The following FHIP2B variants were observed in gnomAD, a reference collection of about 807,000 sequenced individuals.
FHIP2B encodes the protein FHF complex subunit HOOK-interacting protein 2B.
FHIP2B carries 72 observed loss-of-function variants against 84.0 expected under a neutral mutation model. That is an observed-to-expected ratio of 0.86 (90% CI 0.71 to 1.04). FHIP2B has a LOEUF of 1.04. Among genes scored for constraint, FHIP2B ranks in the 50% least tolerant of loss-of-function variants. The probability of loss-of-function intolerance (pLI) is 0.00; values close to 1 mark genes in which losing one functional copy is unlikely to be tolerated. For synonymous variants in FHIP2B, 497 were observed against 418.7 expected, an observed-to-expected ratio of 1.19 and a Z score of -2.28; for missense variants, 972 against 968.9, an observed-to-expected ratio of 1.00 and a Z score of -0.04.
intron 1 of FHIP2B, 105 bp downstream of exon 1, chr8:22,089,403 G>T (rs542583837): frequency 4.4e-4 from 281 of 638,762 alleles, no homozygotes; most frequent in Non-Finnish European, 5.1e-4. Context: ...GCGGGCGCGG[G>T]CCCCCTCGGG....
chr8:22,092,699 C>G (rs534217535), intron 1 of FHIP2B, among the ~76,000 whole-genome samples: 1 of 152,050 alleles, frequency 6.6e-6, no homozygotes, highest in Non-Finnish European at 1.5e-5. Flanking sequence ...GCCAGCCCAC[C>G]CCTTCCCCAG....
In FHIP2B at chr8:22,101,355, C is replaced by G. The variant is rs1826100914; in HGVS notation, c.1617-85C>G. On this transcript the variant is annotated intron_variant, in intron 12 of 16. Coordinates refer to ENST00000289921, the MANE Select transcript of FHIP2B (RefSeq NM_022749.7). ...TACTCTTTGGCCACAGCCCTGGGGT[C>G]CAGTCAGGGAGGGAGATGGGGTCCC... The G allele has an allele frequency of 7.8e-5, 88 of 1,133,020 alleles. No homozygotes were observed. The South Asian group carries it at 1.2e-3, about 15-fold the overall frequency. 70.2% of individuals were successfully genotyped at this position (1,133,020 alleles called of 1,614,324 possible).
rs983542547 is a variant in FHIP2B, at chr8:22,089,316, G to C, written c.45+18G>C. Reference sequence around the variant, plus strand: ...TGGGGGCGGTGAGGCCGGCAGGGCCGGGCCGGGCCGCCGGGAGTCGCGGGC... The same window carrying C: ...TGGGGGCGGTGAGGCCGGCAGGGCCCGGCCGGGCCGCCGGGAGTCGCGGGC... On this transcript the variant is annotated intron_variant, in intron 1 of 16. Transcript: ENST00000289921. The C allele has an allele frequency of 9.9e-7, 1 of 1,009,564 alleles. No homozygotes were observed. Among genetic ancestry groups the C allele is most frequent in the Non-Finnish European group, 1.2e-6 (1 of 847,274 alleles). 62.5% of individuals were successfully genotyped at this position (1,009,564 alleles called of 1,614,324 possible). A position where few individuals can be genotyped will look rare whatever the true frequency, so the allele number is the denominator to read the frequency against.
chr8:22,098,399 T>C, intron 6 of FHIP2B, 24 bp from the exon 7 acceptor site: 1 of 1,564,118 alleles, frequency 6.4e-7, no homozygotes, highest in Non-Finnish European at 8.7e-7. Context: ...TGCATGTCCC[T>C]GAAGTTGTAT....
chr8:22,096,053 A>G (rs1478809314), intron 2 of FHIP2B: 14 of 314,464 alleles, frequency 4.5e-5, no homozygotes, highest in Non-Finnish European at 5.9e-5. Context: ...CTGTCTCTGT[A>G]CCCATCCTAG....
chr8:22,096,298 T>G, intron 2 of FHIP2B, 39 bp from the exon 3 acceptor site: 5 of 1,496,262 alleles, frequency 3.3e-6, no homozygotes, highest in Non-Finnish European at 4.5e-6. Context: ...GGGGTGCCCC[T>G]CTTTACCCTA....
At chr8:22,102,014 A>T (rs1403944767) in intron 14 of FHIP2B, 161 bp from the exon 15 acceptor site, 1 of 1,515,458 alleles carries the variant, frequency 6.6e-7, no homozygotes, top group Non-Finnish European at 8.8e-7. Flanking sequence ...ACACGTCCTA[A>T]CACGTTCTGG....
intron 1 of FHIP2B, among the ~76,000 whole-genome samples, chr8:22,093,708 C>CTTTTTTTTTTTTTTTTTTT (rs59841460): frequency 1.5e-5 from 1 of 66,456 alleles, no homozygotes; most frequent in Non-Finnish European, 2.6e-5. Context: ...AAAGCTTTGT[C>CTTTTTTTTTTTTTTTTTTT]TTTTTTTTTT....
In FHIP2B at chr8:22,097,564, C is replaced by G; in HGVS notation, c.346C>G (p.Leu116Val). Reference protein sequence around the residue: ...QQVFQFFSKVLAQVQHPLLHY... With the variant: ...QQVFQFFSKVVAQVQHPLLHY... ...GGTGTTCCAGTTCTTCAGCAAGGTT[C>G]TGGCGCAGGTGCAGCACCCCCTGCT... The change falls in exon 4 of 17, where the codon CTG (leucine) becomes GTG (valine). Residue 116 changes from leucine (L) to valine (V), a missense_variant. Coordinates refer to ENST00000289921, the MANE Select transcript of FHIP2B (RefSeq NM_022749.7). The G allele has an allele frequency of 6.2e-7, 1 of 1,610,600 alleles. No individual in the cohort carries two copies. The highest frequency in any genetic ancestry group is 8.5e-7 in the Non-Finnish European group (1 of 1,178,766).
chr8:22,089,840 A>G, intron 1 of FHIP2B: 3 of 1,283,910 alleles, frequency 2.3e-6, no homozygotes, highest in Non-Finnish European at 3.0e-6. Flanking sequence ...CTGCCGGTCC[A>G]AGTCCCCACG....
Position 22,098,180 on chromosome 8 carries a change from C to G in FHIP2B, c.638C>G (p.Pro213Arg). The change falls in exon 6 of 17, where the codon CCC (proline) becomes CGC (arginine). Residue 213 changes from proline to arginine, a missense_variant. Physicochemically the swap from Pro to Arg is moderately radical, Grantham distance 103. Transcript: ENST00000289921. The stretch of plus-strand genomic sequence containing the variant: ...TCCCACGATGGTGCTCCTGCCAGGC[C>G]CCAGCTGGACGGGGAGTCCTGTGGG... The part of the protein sequence containing the change: ...DCSHDGAPAR[P>R]QLDGESCGAQ... 6.3e-7 allele frequency: 1 copy of G among 1,575,816 alleles called. No individual in the cohort carries two copies. Among genetic ancestry groups the G allele is most frequent in the Non-Finnish European group, 8.6e-7 (1 of 1,161,324 alleles).
intron 3 of FHIP2B, 124 bp downstream of exon 3, chr8:22,096,633 G>A (rs1825787183): frequency 2.2e-6 from 3 of 1,350,598 alleles, no homozygotes; most frequent in Non-Finnish European, 2.9e-6. Flanking sequence ...TGAGTGCTGG[G>A]CCAGGCTGAG....
rs1333768541 is a variant in FHIP2B, at chr8:22,089,226, G to C, written c.-28G>C. 1 of 1,060,344 alleles carries C rather than the reference G, an allele frequency of 9.4e-7. No individual in the cohort carries two copies. The highest frequency in any genetic ancestry group is 1.1e-6 in the Non-Finnish European group (1 of 879,566). 65.7% of individuals were successfully genotyped at this position (1,060,344 alleles called of 1,614,324 possible). A position where few individuals can be genotyped will look rare whatever the true frequency, so the allele number is the denominator to read the frequency against. ...CTAGAGCGCTGCCGCCGCCGCTTTC[G>C]CCCGGGAGCCGGGGGCCGGGCGCCA... On this transcript the variant is annotated 5_prime_UTR_variant, in exon 1 of 17. Transcript: ENST00000289921.
At position 22,096,758 on chromosome 8, in the gene FHIP2B, C is replaced by T. The variant is rs10088731; in HGVS notation, c.297+249C>T. 1,096 of 457,956 alleles carry T rather than the reference C, an allele frequency of 2.4e-3. 5 individuals carry two copies. Among genetic ancestry groups the T allele is most frequent in the African/African-American group, 0.021 (1,014 of 49,458 alleles). The allele number at this position is 457,956 out of a possible 1,614,324, so 28.4% of individuals were successfully genotyped here. A position where few individuals can be genotyped will look rare whatever the true frequency, so the allele number is the denominator to read the frequency against. Reference sequence around the variant, plus strand: ...GTTCGGGCGAGAGGAGCAAACAGGACGGGCACTGTGGCTGTCTCACTTAGA... The same window carrying T: ...GTTCGGGCGAGAGGAGCAAACAGGATGGGCACTGTGGCTGTCTCACTTAGA... On this transcript the variant is annotated intron_variant, in intron 3 of 16. Coordinates refer to ENST00000289921, the MANE Select transcript of FHIP2B (RefSeq NM_022749.7).
rs369364643 is a variant in FHIP2B, at chr8:22,101,442, T to A, written c.1619T>A (p.Phe540Tyr). The stretch of plus-strand genomic sequence containing the variant: ...CCACACCGGCTTCTATCTCTCAGTT[T>A]CCTGTGCCTGGTCCCCGAGGAAGCC... ...KTAVTEIVNS[F>Y]LCLVPEEAKT... The change falls in exon 13 of 17, where the codon TTC becomes TAC. Residue 540 changes from phenylalanine to tyrosine, a missense_variant and splice_region_variant. Physicochemically the swap from Phe to Tyr is conservative, Grantham distance 22. Transcript: ENST00000289921. The A allele has an allele frequency of 3.0e-5, 49 of 1,607,576 alleles. No homozygotes were observed. In the Admixed American group the frequency reaches 4.9e-4, roughly 16 times the overall value.
At position 22,094,493 on chromosome 8, in the gene FHIP2B, CACGCACT is replaced by C; in HGVS notation, c.102_108del (p.His35ThrfsTer20). 6.2e-7 allele frequency: 1 copy of C among 1,611,660 alleles called. No individual in the cohort carries two copies. Among genetic ancestry groups the C allele is most frequent in the Non-Finnish European group, 8.5e-7 (1 of 1,179,020 alleles). Reference sequence around the variant, plus strand: ...CCTTCGTGGAGCACTGGAAGGGCATCACGCACTACTACATCGAGAGCACAGGTGCGGC... The same window carrying C: ...CCTTCGTGGAGCACTGGAAGGGCATCACTACATCGAGAGCACAGGTGCGGC... On this transcript the variant is annotated frameshift_variant, in exon 2 of 17. Coordinates refer to ENST00000289921, the MANE Select transcript of FHIP2B (RefSeq NM_022749.7). LOFTEE classifies it high-confidence loss of function.
chr8:22,100,701 C>G lies in FHIP2B; in HGVS notation c.1449C>G (p.Ala483=), dbSNP rs764391171. 1.9e-6 allele frequency: 3 copies of G among 1,605,706 alleles called. No homozygotes were observed. Among genetic ancestry groups the G allele is most frequent in the Non-Finnish European group, 2.6e-6 (3 of 1,175,182 alleles). ...LRNLEGRPYV[A]WGSPEPESYE... Reference sequence around the variant, plus strand: ...ACCTTGAGGGCCGCCCTTACGTGGCCTGGGGCTCACCAGAGCCTGAGAGCT... The same window carrying G: ...ACCTTGAGGGCCGCCCTTACGTGGCGTGGGGCTCACCAGAGCCTGAGAGCT... The change falls in exon 11 of 17, where the codon GCC becomes GCG. Residue 483 remains alanine, a synonymous_variant. Coordinates refer to ENST00000289921, the MANE Select transcript of FHIP2B (RefSeq NM_022749.7).
chr8:22,100,719 T>C lies in FHIP2B; in HGVS notation c.1467T>C (p.Pro489=). ...RPYVAWGSPE[P]ESYEDTLDLE... The stretch of plus-strand genomic sequence containing the variant: ...ACGTGGCCTGGGGCTCACCAGAGCC[T>C]GAGAGCTATGAGGACACCCTGTAAG... The change falls in exon 11 of 17, where the codon CCT becomes CCC. Residue 489 remains proline, a synonymous_variant. Coordinates refer to ENST00000289921, the MANE Select transcript of FHIP2B (RefSeq NM_022749.7). The C allele has an allele frequency of 1.2e-6, 2 of 1,602,974 alleles. No individual in the cohort carries two copies. Among genetic ancestry groups the C allele is most frequent in the East Asian group, 2.2e-5 (1 of 44,696 alleles).
chr8:22,092,235 C>A (rs1825528926), intron 1 of FHIP2B, among the ~76,000 whole-genome samples: 1 of 152,190 alleles, frequency 6.6e-6, no homozygotes, highest in African/African-American at 2.4e-5. Flanking sequence ...CCTGCCTTTA[C>A]CTCCTCTCCC....
Sources: allele counts gnomAD v4.1 joint callset (sites outside exome capture counted in the v4.1 genomes callset), GRCh38; gene constraint gnomAD v4.1.1; transcripts MANE v1.5; gene names NCBI Gene and HGNC (gene_info 2026-07-23, HGNC 2026-07-21).